The following CAPZB variants were observed in gnomAD, a reference collection of about 807,000 sequenced individuals.
CAPZB encodes the protein F-actin-capping protein subunit beta.
In CAPZB, 2 loss-of-function variants were observed where a neutral mutation model predicts 38.1. The observed-to-expected ratio is 0.05, with a 90% CI of 0.02 to 0.17. The LOEUF (loss-of-function observed/expected upper bound fraction) is 0.17, where lower values mean the gene tolerates loss of function less well. Ranked by LOEUF, CAPZB falls within the 10% of genes least tolerant of loss-of-function variation. CAPZB has a pLI of 1.00. For synonymous variants in CAPZB, 107 were observed against 127.4 expected, an observed-to-expected ratio of 0.84 and a Z score of 1.08; for missense variants, 161 against 334.2, an observed-to-expected ratio of 0.48 and a Z score of 4.04.
chr1:19,484,719 G>A (rs1387146712), intron 1 of CAPZB: 5 of 1,060,026 alleles, frequency 4.7e-6, no homozygotes, highest in East Asian at 8.1e-5. Flanking sequence ...GAGAGGCTCA[G>A]GGCGGGGACC....
chr1:19,356,809 A>G lies in CAPZB; in HGVS notation c.472-58T>C. 1 of 1,079,098 alleles carries G rather than the reference A, an allele frequency of 9.3e-7. No individual in the cohort carries two copies. The allele number at this position is 1,079,098 out of a possible 1,614,324, so 66.8% of individuals were successfully genotyped here. On this transcript the variant is annotated intron_variant, in intron 5 of 8. Coordinates refer to ENST00000264202, the MANE Select transcript of CAPZB (RefSeq NM_004930.5). The surrounding 1 kb of genome is among the most constrained non-coding windows in gnomAD (Gnocchi z 4.3). ...AGGGAGAGCCTGAAGTGGCCCCTGG[A>G]ATTCAGGGTCATCCTAACATCTCCC...
intron 1 of CAPZB, 76 bp from the exon 2 acceptor site, chr1:19,419,826 C>G (rs1212091972): frequency 8.9e-6 from 8 of 902,782 alleles, no homozygotes; most frequent in Non-Finnish European, 1.4e-5. Flanking sequence ...AAAAAGCATG[C>G]TTGCCCAAGG....
intron 4 of CAPZB, among the ~76,000 whole-genome samples, chr1:19,360,167 A>G (rs537295956): frequency 6.6e-6 from 1 of 152,286 alleles, no homozygotes; most frequent in East Asian, 1.9e-4. Context: ...GGATTCTTGC[A>G]AGTTAACTTA....
chr1:19,484,232 A>G, intron 1 of CAPZB: 1 of 1,612,670 alleles, frequency 6.2e-7, no homozygotes, highest in African/African-American at 1.3e-5. Flanking sequence ...CAACCCTTGC[A>G]AGCTGACAGT....
chr1:19,434,214 C>G (rs887134484), intron 1 of CAPZB, among the ~76,000 whole-genome samples: 1 of 152,160 alleles, frequency 6.6e-6, no homozygotes, highest in Non-Finnish European at 1.5e-5. Flanking sequence ...GGAAGTAAGA[C>G]AGACAAGAGT....
At chr1:19,480,414 C>T (rs535456372) in intron 1 of CAPZB, among the ~76,000 whole-genome samples, 4 of 152,334 alleles carry the variant, frequency 2.6e-5, no homozygotes, top group African/African-American at 9.6e-5. Flanking sequence ...TGCTGAGTGG[C>T]AGACAGGACT....
chr1:19,393,309 C>T (rs1194313619), intron 2 of CAPZB, among the ~76,000 whole-genome samples: 7 of 152,194 alleles, frequency 4.6e-5, no homozygotes, highest in Non-Finnish European at 8.8e-5. Flanking sequence ...AGCTGTGCTC[C>T]CAGAGACTCA....
At chr1:19,382,248 G>T (rs1320646931) in intron 3 of CAPZB, among the ~76,000 whole-genome samples, 1 of 152,184 alleles carries the variant, frequency 6.6e-6, no homozygotes, top group Non-Finnish European at 1.5e-5. Context: ...TGAAGCCAGG[G>T]TAATTGTAGC....
chr1:19,357,681 G>A lies in CAPZB; in HGVS notation c.330-118C>T, dbSNP rs2094029192. ...CAGGGCCCTCCCTGCGACAGTTATG[G>A]GAGCCGATCCTTGGGTGTGTTCTGA... On this transcript the variant is annotated intron_variant, in intron 4 of 8. Coordinates refer to ENST00000264202, the MANE Select transcript of CAPZB (RefSeq NM_004930.5). The surrounding 1 kb of genome is among the most constrained non-coding windows in gnomAD (Gnocchi z 4.3). 6.4e-6 allele frequency: 6 copies of A among 931,860 alleles called. No homozygotes were observed. The highest frequency in any genetic ancestry group is 4.8e-5 in the South Asian group (3 of 62,730). The allele number at this position is 931,860 out of a possible 1,614,324, so 57.7% of individuals were successfully genotyped here.
At chr1:19,446,420 C>G (rs1475037995) in intron 1 of CAPZB, among the ~76,000 whole-genome samples, 1 of 152,182 alleles carries the variant, frequency 6.6e-6, no homozygotes, top group Non-Finnish European at 1.5e-5. Flanking sequence ...AGATTATGAA[C>G]TACATAAAAG....
At chr1:19,368,864 T>G (rs2094105311) in intron 4 of CAPZB, among the ~76,000 whole-genome samples, 2 of 152,098 alleles carry the variant, frequency 1.3e-5, no homozygotes, top group East Asian at 1.9e-4. Flanking sequence ...AAAGCAGTTT[T>G]CCATCACAGA....
intron 1 of CAPZB, among the ~76,000 whole-genome samples, chr1:19,459,881 C>T (rs887328259): frequency 6.6e-6 from 1 of 152,164 alleles, no homozygotes; most frequent in Non-Finnish European, 1.5e-5. Flanking sequence ...ACACCGCCCA[C>T]CCCATAGTCA....
intron 1 of CAPZB, among the ~76,000 whole-genome samples, chr1:19,448,564 T>C (rs1330227737): frequency 2.6e-5 from 4 of 152,232 alleles, no homozygotes; most frequent in Admixed American, 6.5e-5. Flanking sequence ...CATCATTACC[T>C]ACCCATGATA....
chr1:19,484,268 G>T (rs2094642226), intron 1 of CAPZB: 1 of 1,611,982 alleles, frequency 6.2e-7, no homozygotes, highest in Non-Finnish European at 8.5e-7. Context: ...GGCTGCGCCT[G>T]CTTGGGTGCA....
rs116826854 is a variant in CAPZB, at chr1:19,484,193, A to C, written c.3+1243T>G. On this transcript the variant is annotated intron_variant, in intron 1 of 8. Coordinates refer to ENST00000264202, the MANE Select transcript of CAPZB (RefSeq NM_004930.5). ...TCTCCCTAGGCGTTCTGCTCACCTGATCCGAGGGACTTCCATAATCAGCAG... is the reference window on the plus strand; with the variant it reads ...TCTCCCTAGGCGTTCTGCTCACCTGCTCCGAGGGACTTCCATAATCAGCAG... 103 of 1,612,004 alleles carry C rather than the reference A, an allele frequency of 6.4e-5. No individual in the cohort carries two copies. The African/African-American group carries it at 1.2e-3, about 19-fold the overall frequency.
intron 2 of CAPZB, among the ~76,000 whole-genome samples, chr1:19,388,845 G>A (rs1292778337): frequency 6.6e-6 from 1 of 152,186 alleles, no homozygotes; most frequent in East Asian, 1.9e-4. Context: ...TGGGACTTCT[G>A]AAAGCCAGTA....
chr1:19,433,341 ATAACAGT>A (rs1417511316), intron 1 of CAPZB, among the ~76,000 whole-genome samples: 1 of 152,110 alleles, frequency 6.6e-6, no homozygotes, highest in Non-Finnish European at 1.5e-5. Flanking sequence ...TGTCTTCCAA[ATAACAGT>A]TAAAAGAAAA....
chr1:19,380,777 C>G (rs7514223), intron 3 of CAPZB, among the ~76,000 whole-genome samples: 152,006 of 152,294 alleles, frequency 1, 75,859 homozygotes, highest in Middle Eastern at 1. Context: ...AGCTAGGAGG[C>G]GGCAAGAGCC....
chr1:19,435,905 T>G (rs1570262526), intron 1 of CAPZB, among the ~76,000 whole-genome samples: 1 of 152,156 alleles, frequency 6.6e-6, no homozygotes, highest in South Asian at 2.1e-4. Flanking sequence ...TTTTGCACAG[T>G]TGAGTCACAA....
Sources: allele counts gnomAD v4.1 joint callset (sites outside exome capture counted in the v4.1 genomes callset), GRCh38; gene constraint gnomAD v4.1.1; non-coding constraint Gnocchi (gnomAD v3.1); transcripts MANE v1.5; gene names NCBI Gene and HGNC (gene_info 2026-07-23, HGNC 2026-07-21).